The following NMNAT3 variants were observed in gnomAD, a reference collection of about 807,000 sequenced individuals.
The protein encoded by NMNAT3 is nicotinamide/nicotinic acid mononucleotide adenylyltransferase 3.
A neutral mutation model predicts 24.8 loss-of-function variants in NMNAT3; 21 were observed. That is an observed-to-expected ratio of 0.85 (90% CI 0.60 to 1.22). The LOEUF (loss-of-function observed/expected upper bound fraction) is 1.22, where lower values mean the gene tolerates loss of function less well. Among genes scored for constraint, NMNAT3 ranks in the 50% most tolerant of loss-of-function variants. The pLI, the probability that NMNAT3 is intolerant of heterozygous loss-of-function variation, is 0.00. For missense variants in NMNAT3, 387 were observed against 436.6 expected (o/e 0.89, Z 1.01); for synonymous variants, 136 against 155.2 (o/e 0.88, Z 0.92).
intron 3 of NMNAT3, among the ~76,000 whole-genome samples, chr3:139,605,161 C>T (rs756736692): frequency 1.3e-5 from 2 of 152,160 alleles, no homozygotes; most frequent in African/African-American, 4.8e-5. Context: ...GGCAGATCAG[C>T]GATGAGTCTG....
intron 1 of NMNAT3, among the ~76,000 whole-genome samples, chr3:139,651,212 A>C (rs1553760529): frequency 6.6e-6 from 1 of 152,178 alleles, no homozygotes; most frequent in Non-Finnish European, 1.5e-5. Flanking sequence ...TTTGGTAGAA[A>C]GTATAATATA....
At chr3:139,646,186 A>T (rs534068883) in intron 1 of NMNAT3, among the ~76,000 whole-genome samples, 9 of 152,332 alleles carry the variant, frequency 5.9e-5, no homozygotes, top group African/African-American at 2.2e-4. Context: ...GTTGTGATTT[A>T]AAAGTATCAG....
intron 3 of NMNAT3, among the ~76,000 whole-genome samples, chr3:139,606,231 A>G (rs763885509): frequency 7.2e-5 from 11 of 152,304 alleles, no homozygotes; most frequent in Admixed American, 2.6e-4. Flanking sequence ...TCCTGTATCT[A>G]CAGTCTCTGC....
chr3:139,585,946 A>C (rs2053919615), intron 3 of NMNAT3, among the ~76,000 whole-genome samples: 1 of 152,166 alleles, frequency 6.6e-6, no homozygotes, highest in African/African-American at 2.4e-5. Context: ...CAGTCTCTGA[A>C]TTCTGTTCTT....
chr3:139,649,647 TGTACGCAGCCCTCCTA>T (rs2056990372), intron 1 of NMNAT3, among the ~76,000 whole-genome samples: 1 of 152,134 alleles, frequency 6.6e-6, no homozygotes, highest in Admixed American at 6.5e-5. Context: ...GGTTAGCTAT[TGTACGCAGCCCTCCTA>T]GTGTTTGTGA....
chr3:139,598,072 ATAGAAT>A (rs1442577738), intron 3 of NMNAT3, among the ~76,000 whole-genome samples: 1 of 152,246 alleles, frequency 6.6e-6, no homozygotes, highest in East Asian at 1.9e-4. Context: ...ACTTAAATAA[ATAGAAT>A]TAGATAACAG....
At chr3:139,662,108 C>T (rs1411828197) in intron 1 of NMNAT3, among the ~76,000 whole-genome samples, 4 of 152,090 alleles carry the variant, frequency 2.6e-5, no homozygotes, top group Admixed American at 6.5e-5. Flanking sequence ...CTTCCTCTAG[C>T]GGGGGACTCC....
intron 1 of NMNAT3, among the ~76,000 whole-genome samples, chr3:139,651,962 G>A (rs1480857203): frequency 6.6e-6 from 1 of 152,150 alleles, no homozygotes; most frequent in East Asian, 1.9e-4. Flanking sequence ...CTTCCTCACT[G>A]AGCAGCATAT....
intron 3 of NMNAT3, among the ~76,000 whole-genome samples, chr3:139,596,943 TATATATATATATATATA>T (rs1334605978): frequency 6.2e-5 from 8 of 129,512 alleles, no homozygotes; most frequent in African/African-American, 2.3e-4. Context: ...TATATATATA[TATATATATATATATATA>T]TATATTTTTA....
rs762412391 is a variant in NMNAT3, at chr3:139,665,824, CAG to C, written c.-141+11879_-141+11880del. ...GTGAAAAAAAAAGCAAAATGTAGAA[CAG>C]AGAGTATGAAATATTGTTTTGTATA... On this transcript the variant is annotated intron_variant, in intron 1 of 6. Transcript: ENST00000643695. Among the ~76,000 whole-genome samples the C allele has an allele frequency of 6.7e-5, 10 of 148,248 alleles. No individual in the cohort carries two copies. The East Asian group carries it at 1.4e-3, about 21-fold the overall frequency.
At chr3:139,652,160 C>A (rs964851457) in intron 1 of NMNAT3, among the ~76,000 whole-genome samples, 1 of 152,196 alleles carries the variant, frequency 6.6e-6, no homozygotes, top group Non-Finnish European at 1.5e-5. Flanking sequence ...AGTGCCCAGG[C>A]CTGGCATGGC....
At chr3:139,602,784 T>C (rs770850517) in intron 3 of NMNAT3, among the ~76,000 whole-genome samples, 5 of 152,266 alleles carry the variant, frequency 3.3e-5, no homozygotes, top group Non-Finnish European at 7.3e-5. Flanking sequence ...GTTTCTTAGA[T>C]TGTAAATGTT....
chr3:139,649,908 T>C (rs896781327), intron 1 of NMNAT3, among the ~76,000 whole-genome samples: 1 of 152,198 alleles, frequency 6.6e-6, no homozygotes, highest in Admixed American at 6.5e-5. Context: ...GAAACATGCA[T>C]TGACTTCACA....
In NMNAT3 at chr3:139,603,264, C is replaced by A. The variant is rs893918072; in HGVS notation, c.110-20056G>T. On this transcript the variant is annotated intron_variant, in intron 3 of 6. Transcript: ENST00000643695. ...CATGCTTGTTTAGTTTTTATGGATCCCTCTGCTGGATGAGTGTTCACAGGA... is the reference window on the plus strand; with the variant it reads ...CATGCTTGTTTAGTTTTTATGGATCACTCTGCTGGATGAGTGTTCACAGGA... 1.5e-4 allele frequency among the ~76,000 whole-genome samples: 23 copies of A among 152,294 alleles called. No homozygotes were observed. The South Asian group carries it at 2.5e-3, about 16-fold the overall frequency.
chr3:139,606,096 A>C (rs2108235930), intron 3 of NMNAT3, among the ~76,000 whole-genome samples: 1 of 152,330 alleles, frequency 6.6e-6, no homozygotes, highest in Non-Finnish European at 1.5e-5. Flanking sequence ...TTAATAACTT[A>C]AATAACCATG....
intron 1 of NMNAT3, among the ~76,000 whole-genome samples, chr3:139,675,726 C>T (rs927405689): frequency 5.9e-5 from 9 of 152,136 alleles, no homozygotes; most frequent in African/African-American, 2.2e-4. Context: ...GACTAAGGAA[C>T]GATATCAATA....
At chr3:139,600,364 G>C (rs1481727683) in intron 3 of NMNAT3, among the ~76,000 whole-genome samples, 2 of 150,206 alleles carry the variant, frequency 1.3e-5, no homozygotes, top group East Asian at 3.9e-4. Flanking sequence ...AGAGTGCAAT[G>C]GCGCAATCTT....
rs1157707318 is a variant in NMNAT3, at chr3:139,560,981, A to G, written c.*29T>C. ...CCTCTCCCCAGCAGGAGCTTGTTGG[A>G]GGAGGTGTGGGTGCTGAGTCCCCCC... On this transcript the variant is annotated 3_prime_UTR_variant, in exon 7 of 7. Coordinates refer to ENST00000643695, the MANE Select transcript of NMNAT3 (RefSeq NM_001320510.2). 3 of 1,588,078 alleles carry G rather than the reference A, an allele frequency of 1.9e-6. No individual in the cohort carries two copies. Among genetic ancestry groups the G allele is most frequent in the Non-Finnish European group, 2.6e-6 (3 of 1,164,596 alleles).
At chr3:139,584,349 G>A (rs1319682152) in intron 3 of NMNAT3, 1 of 159,848 alleles carries the variant, frequency 6.3e-6, no homozygotes, top group Admixed American at 6.5e-5. Context: ...GGAGCGGTGA[G>A]GGAGGAAGGG....
Sources: allele counts gnomAD v4.1 joint callset (sites outside exome capture counted in the v4.1 genomes callset), GRCh38; gene constraint gnomAD v4.1.1; transcripts MANE v1.5; gene names NCBI Gene and HGNC (gene_info 2026-07-23, HGNC 2026-07-21).